Variants in STK4 observed in about 807,000 individuals in gnomAD.
STK4 encodes the protein serine/threonine kinase 4.
A neutral mutation model predicts 64.9 loss-of-function variants in STK4; 30 were observed. The observed-to-expected ratio is 0.46, with a 90% CI of 0.35 to 0.63. STK4 has a LOEUF of 0.63. STK4 is among the 20% of genes least tolerant of loss of function. The pLI is 0.01. For synonymous variants in STK4, 177 were observed against 199.0 expected (o/e 0.89, Z 0.93); for missense variants, 466 against 598.5 (o/e 0.78, Z 2.31).
intron 6 of STK4, among the ~76,000 whole-genome samples, chr20:44,995,607 A>AG (rs2067715378): frequency 6.8e-6 from 1 of 147,056 alleles, no homozygotes; most frequent in Non-Finnish European, 1.5e-5. Flanking sequence ...CTCCATCTCA[A>AG]AAAAAAAAAA....
rs926461936 is a variant in STK4, at chr20:45,079,018, G to A, written c.*3842G>A. 4 of 151,482 alleles carry A rather than the reference G, an allele frequency of 2.6e-5. No homozygotes were observed. The South Asian group carries it at 8.4e-4, about 32-fold the overall frequency. 9.4% of individuals were successfully genotyped at this position (151,482 alleles called of 1,614,324 possible). A position where few individuals can be genotyped will look rare whatever the true frequency, so the allele number is the denominator to read the frequency against. On this transcript the variant is annotated 3_prime_UTR_variant, in exon 11 of 11. Transcript: ENST00000372806. ...CAAGAAGAAATAGATACCAGCCTGAGCAACATGGCAAAATCCCATCTCTAC... is the reference window on the plus strand; with the variant it reads ...CAAGAAGAAATAGATACCAGCCTGAACAACATGGCAAAATCCCATCTCTAC...
chr20:44,970,174 A>G (rs1240046856), intron 1 of STK4, among the ~76,000 whole-genome samples: 5 of 152,128 alleles, frequency 3.3e-5, no homozygotes, highest in African/African-American at 1.2e-4. Flanking sequence ...GCACATGTAT[A>G]CATATGTAAC....
chr20:44,974,697 G>C (rs963310236), intron 2 of STK4: 1 of 152,014 alleles, frequency 6.6e-6, no homozygotes, highest in South Asian at 2.1e-4. Flanking sequence ...TCTTGATCTC[G>C]TGATCTTGTG....
At chr20:45,061,419 A>T (rs946264650) in intron 10 of STK4, among the ~76,000 whole-genome samples, 1 of 152,176 alleles carries the variant, frequency 6.6e-6, no homozygotes, top group Non-Finnish European at 1.5e-5. Context: ...TAGTATGAGG[A>T]AACCTTGTGC....
At position 44,987,020 on chromosome 20, in the gene STK4, A is replaced by G. The variant is rs933977168; in HGVS notation, c.361-112A>G. On this transcript the variant is annotated intron_variant, in intron 4 of 10. Coordinates refer to ENST00000372806, the MANE Select transcript of STK4 (RefSeq NM_006282.5). ...GTATAAGCAGTCAAATGCTGTTCACAGGTTGAATAAGATCTGTTTATATTA... is the reference window on the plus strand; with the variant it reads ...GTATAAGCAGTCAAATGCTGTTCACGGGTTGAATAAGATCTGTTTATATTA... The G allele has an allele frequency of 1.3e-4, 106 of 845,040 alleles. No individual in the cohort carries two copies. In the Middle Eastern group the frequency reaches 1.5e-3, roughly 12 times the overall value. 52.3% of individuals were successfully genotyped at this position (845,040 alleles called of 1,614,324 possible).
chr20:45,021,403 G>C (rs2145371861), intron 9 of STK4, among the ~76,000 whole-genome samples: 1 of 152,296 alleles, frequency 6.6e-6, no homozygotes, highest in African/African-American at 2.4e-5. Flanking sequence ...GAATACTGCT[G>C]TCTTCTTCAT....
chr20:45,040,130 C>T (rs2068589745), intron 10 of STK4, among the ~76,000 whole-genome samples: 1 of 142,360 alleles, frequency 7.0e-6, no homozygotes, highest in Non-Finnish European at 1.5e-5. Context: ...GATATATGGT[C>T]ATCTCTCTTT....
chr20:45,032,072 A>G (rs1008493438), intron 10 of STK4, among the ~76,000 whole-genome samples: 2 of 152,180 alleles, frequency 1.3e-5, no homozygotes, highest in Non-Finnish European at 2.9e-5. Context: ...AAATAGAAGG[A>G]GCAATGAGAA....
At chr20:45,052,948 T>C in intron 10 of STK4, 1 of 641,300 alleles carries the variant, frequency 1.6e-6, no homozygotes. Flanking sequence ...GAGAAGACTA[T>C]CCTAAATTGT....
At chr20:44,990,465 T>G (rs2067611951) in intron 5 of STK4, among the ~76,000 whole-genome samples, 1 of 152,124 alleles carries the variant, frequency 6.6e-6, no homozygotes, top group Non-Finnish European at 1.5e-5. Context: ...TTTTTTTTCC[T>G]TCACTAAAAT....
At chr20:44,999,442 G>C (rs1286435714) in intron 7 of STK4, among the ~76,000 whole-genome samples, 2 of 152,154 alleles carry the variant, frequency 1.3e-5, no homozygotes, top group African/African-American at 4.8e-5. Flanking sequence ...GACGGGTGAT[G>C]GAGAACAGAG....
intron 10 of STK4, among the ~76,000 whole-genome samples, chr20:45,071,389 G>A (rs932843320): frequency 6.6e-6 from 1 of 152,174 alleles, no homozygotes; most frequent in Non-Finnish European, 1.5e-5. Flanking sequence ...TACACTTGGC[G>A]CCATGAAACT....
intron 1 of STK4, 28 bp downstream of exon 1, chr20:44,966,631 G>A (rs2067154845): frequency 7.9e-7 from 1 of 1,269,708 alleles, no homozygotes; most frequent in East Asian, 3.1e-5. Flanking sequence ...AAGAGGACGG[G>A]CATGGGGTCA....
rs901083307 is a variant in STK4 at position 45,025,144 on chromosome 20, G to A, written c.1305+14G>A. ...GACTACGAGTTTGTAAGTAGTGTTG[G>A]AAGTAAATGGTTATGTCTTCAGGGG... On this transcript the variant is annotated intron_variant, in intron 10 of 10. Transcript: ENST00000372806. 2 of 1,598,674 alleles carry A rather than the reference G, an allele frequency of 1.3e-6. No homozygotes were observed. The highest frequency in any genetic ancestry group is 1.7e-5 in the Admixed American group (1 of 57,174).
At chr20:45,049,199 G>C (rs916055804) in intron 10 of STK4, among the ~76,000 whole-genome samples, 2 of 152,260 alleles carry the variant, frequency 1.3e-5, no homozygotes, top group South Asian at 2.1e-4. Flanking sequence ...GCTGGAGGGA[G>C]AGCAAACTTG....
chr20:45,027,035 C>T (rs981484820), intron 10 of STK4, among the ~76,000 whole-genome samples: 1 of 152,224 alleles, frequency 6.6e-6, no homozygotes, highest in Non-Finnish European at 1.5e-5. Flanking sequence ...TGTTTAACTA[C>T]TGGGTACCAA....
chr20:45,011,733 T>A (rs201753102), intron 9 of STK4, among the ~76,000 whole-genome samples: 37,726 of 84,972 alleles, frequency 0.44, 7,566 homozygotes, highest in East Asian at 0.73. Flanking sequence ...ATATATATTT[T>A]TTTTTTTTTT....
In STK4 at chr20:45,002,902, AT is replaced by A. The variant is rs767515878; in HGVS notation, c.1147+1562del. On this transcript the variant is annotated intron_variant, in intron 9 of 10. Transcript: ENST00000372806. ...TGACATCAGTGGTATTTTGGGCAAGATTTTTTTTTTTTTCTGATAATAACTC... is the reference window on the plus strand; with the variant it reads ...TGACATCAGTGGTATTTTGGGCAAGATTTTTTTTTTTTCTGATAATAACTC... Among the ~76,000 whole-genome samples, 713 of 146,472 alleles carry A rather than the reference AT, an allele frequency of 4.9e-3. 2 individuals carry two copies. Among genetic ancestry groups the A allele is most frequent in the African/African-American group, 7.9e-3 (318 of 40,308 alleles).
chr20:45,027,140 C>T (rs1054358331), intron 10 of STK4, among the ~76,000 whole-genome samples: 1 of 152,030 alleles, frequency 6.6e-6, no homozygotes, highest in African/African-American at 2.4e-5. Context: ...TAGAAGTTAG[C>T]GATTTTGGCT....
Sources: allele counts gnomAD v4.1 joint callset (sites outside exome capture counted in the v4.1 genomes callset), GRCh38; gene constraint gnomAD v4.1.1; transcripts MANE v1.5; gene names NCBI Gene and HGNC (gene_info 2026-07-23, HGNC 2026-07-21).